GLRA3: variants seen among roughly 807,000 people sequenced by gnomAD.
GLRA3 encodes glycine receptor alpha 3.
Under a neutral mutation model 60.4 loss-of-function variants are expected in GLRA3, and 44 were observed. The ratio of observed to expected loss-of-function variants is 0.73; its 90% confidence interval spans 0.57 to 0.94. GLRA3 has a LOEUF of 0.94. GLRA3 is among the 40% of genes least tolerant of loss of function. The pLI is 0.00. For missense variants in GLRA3, 508 were observed against 564.6 expected, an observed-to-expected ratio of 0.90 and a Z score of 1.02; for synonymous variants, 223 against 192.9, an observed-to-expected ratio of 1.16 and a Z score of -1.29.
chr4:174,663,062 T>C (rs543656290), intron 7 of GLRA3, among the ~76,000 whole-genome samples: 35 of 152,228 alleles, frequency 2.3e-4, no homozygotes, highest in South Asian at 4.1e-4. Flanking sequence ...ATACCTTCAA[T>C]TGGGTTGATT....
intron 7 of GLRA3, among the ~76,000 whole-genome samples, chr4:174,663,130 G>A (rs1337147694): frequency 1.3e-5 from 2 of 152,054 alleles, no homozygotes; most frequent in Admixed American, 6.6e-5. Context: ...TACATATGAA[G>A]TATTTCAACA....
At chr4:174,823,511 C>T (rs868464421) in intron 1 of GLRA3, among the ~76,000 whole-genome samples, 4 of 151,836 alleles carry the variant, frequency 2.6e-5, no homozygotes, top group Non-Finnish European at 4.4e-5. Flanking sequence ...GGCAACAGAG[C>T]GAGACTCTGT....
intron 3 of GLRA3, among the ~76,000 whole-genome samples, chr4:174,751,831 T>C (rs1045451970): frequency 5.3e-5 from 8 of 152,210 alleles, no homozygotes; most frequent in African/African-American, 1.9e-4. Context: ...CCTTTTTATG[T>C]ATAATTCAGA....
chr4:174,695,550 A>G (rs1403510865), intron 5 of GLRA3, among the ~76,000 whole-genome samples: 1 of 152,148 alleles, frequency 6.6e-6, no homozygotes, highest in East Asian at 1.9e-4. Context: ...CTTTCATGTT[A>G]AAAACTCTCA....
chr4:174,769,098 G>T (rs1463805516), intron 2 of GLRA3, among the ~76,000 whole-genome samples: 1 of 151,918 alleles, frequency 6.6e-6, no homozygotes, highest in African/African-American at 2.4e-5. Context: ...CTTTTTCAGA[G>T]ATAATTACTT....
chr4:174,759,206 C>T (rs1006515308), intron 3 of GLRA3, among the ~76,000 whole-genome samples: 3 of 151,958 alleles, frequency 2.0e-5, no homozygotes, highest in African/African-American at 2.4e-5. Flanking sequence ...TAACATGTTA[C>T]TATTCCTAGG....
intron 3 of GLRA3, among the ~76,000 whole-genome samples, chr4:174,732,662 G>A (rs937585598): frequency 2.0e-5 from 3 of 151,972 alleles, no homozygotes; most frequent in Non-Finnish European, 4.4e-5. Context: ...CAATGATGAG[G>A]ATGAATCTTA....
At chr4:174,786,921 AAT>A (rs1739149836) in intron 2 of GLRA3, among the ~76,000 whole-genome samples, 1 of 152,120 alleles carries the variant, frequency 6.6e-6, no homozygotes, top group African/African-American at 2.4e-5. Context: ...CCCAAAATCT[AAT>A]CACCTCTGAA....
At chr4:174,694,348 C>T (rs1200107118) in intron 5 of GLRA3, among the ~76,000 whole-genome samples, 2 of 152,068 alleles carry the variant, frequency 1.3e-5, no homozygotes, top group East Asian at 1.9e-4. Context: ...AAAAAACAAT[C>T]ATCAACAAAT....
intron 1 of GLRA3, among the ~76,000 whole-genome samples, chr4:174,827,866 A>G (rs954950999): frequency 2.4e-4 from 37 of 152,228 alleles, no homozygotes; most frequent in African/African-American, 8.4e-4. Context: ...TTGGACTTCA[A>G]TCCTCCTTTG....
At chr4:174,719,218 C>A (rs868742004) in intron 4 of GLRA3, among the ~76,000 whole-genome samples, 1 of 152,066 alleles carries the variant, frequency 6.6e-6, no homozygotes, top group African/African-American at 2.4e-5. Flanking sequence ...CCGCCTCGGC[C>A]TCCCAAAGTG....
At chr4:174,803,773 A>G (rs1739916607) in intron 1 of GLRA3, among the ~76,000 whole-genome samples, 1 of 152,190 alleles carries the variant, frequency 6.6e-6, no homozygotes, top group African/African-American at 2.4e-5. Context: ...TGATAGTAGT[A>G]TCTTATGAGA....
chr4:174,662,837 C>CTTTTTTTTTTTTTTTTT (rs72148674), intron 7 of GLRA3, among the ~76,000 whole-genome samples: 2 of 128,374 alleles, frequency 1.6e-5, no homozygotes, highest in Admixed American at 7.7e-5. Context: ...TTTTTTTTTT[C>CTTTTTTTTTTTTTTTTT]TTTTTTTTTT....
chr4:174,659,219 A>C, intron 7 of GLRA3, 22 bp from the exon 8 acceptor site: 1 of 1,593,950 alleles, frequency 6.3e-7, no homozygotes, highest in Non-Finnish European at 8.6e-7. Context: ...AGAAAGAGAA[A>C]GCAAGCAAAT....
chr4:174,804,940 C>G (rs765951939), intron 1 of GLRA3, among the ~76,000 whole-genome samples: 3 of 152,090 alleles, frequency 2.0e-5, no homozygotes, highest in Non-Finnish European at 4.4e-5. Flanking sequence ...GCCATGTTGC[C>G]TGGTTCTTTA....
chr4:174,779,064 T>C (rs912654195), intron 2 of GLRA3, among the ~76,000 whole-genome samples: 2 of 152,212 alleles, frequency 1.3e-5, no homozygotes, highest in Non-Finnish European at 2.9e-5. Flanking sequence ...CAGACTTAAA[T>C]GTCCCTGTCT....
intron 6 of GLRA3, among the ~76,000 whole-genome samples, chr4:174,680,230 C>T (rs1734288045): frequency 1.3e-5 from 2 of 151,946 alleles, no homozygotes; most frequent in Non-Finnish European, 2.9e-5. Context: ...ATTGCTTGTA[C>T]ATAAATAAAT....
At chr4:174,819,113 G>A (rs1349277050) in intron 1 of GLRA3, among the ~76,000 whole-genome samples, 2 of 152,010 alleles carry the variant, frequency 1.3e-5, no homozygotes, top group Non-Finnish European at 2.9e-5. Flanking sequence ...TTAAACTTCT[G>A]ATAAGTAGAA....
intron 2 of GLRA3, among the ~76,000 whole-genome samples, chr4:174,772,923 A>C (rs1189950084): frequency 1.3e-5 from 2 of 152,198 alleles, no homozygotes; most frequent in African/African-American, 2.4e-5. Flanking sequence ...ACAGCATCAT[A>C]ATATTTTAAA....
Sources: gnomAD v4.1 joint callset for allele counts (sites outside exome capture counted in the v4.1 genomes callset) on GRCh38, gnomAD v4.1.1 for gene constraint, MANE v1.5 for transcripts, NCBI Gene and HGNC (gene_info 2026-07-23, HGNC 2026-07-21) for gene names.